The following PLXNC1 variants were observed in gnomAD, a reference collection of about 807,000 sequenced individuals.
PLXNC1 encodes the protein plexin C1, also known as plexin-C1.
Under a neutral mutation model 178.2 loss-of-function variants are expected in PLXNC1, and 75 were observed. The ratio of observed to expected loss-of-function variants is 0.42; its 90% CI spans 0.35 to 0.51. The LOEUF is 0.51. Among genes scored for constraint, PLXNC1 ranks in the 20% least tolerant of loss-of-function variants. The pLI is 0.02. For synonymous variants in PLXNC1, 790 were observed against 779.9 expected, an observed-to-expected ratio of 1.01 and a Z score of -0.22; for missense variants, 1,503 against 1,984.4, an observed-to-expected ratio of 0.76 and a Z score of 4.61.
At chr12:94,264,180 C>T (rs751051404) in intron 20 of PLXNC1, among the ~76,000 whole-genome samples, 8 of 152,144 alleles carry the variant, frequency 5.3e-5, no homozygotes, top group Non-Finnish European at 1.2e-4. Context: ...TGACCCAGGG[C>T]TAAGTGCCTT....
At chr12:94,242,708 C>T (rs1175481119) in intron 11 of PLXNC1, among the ~76,000 whole-genome samples, 1 of 152,156 alleles carries the variant, frequency 6.6e-6, no homozygotes, top group Non-Finnish European at 1.5e-5. Flanking sequence ...GGACCAATTC[C>T]ATTCTCCATA....
chr12:94,252,390 C>T (rs750782985), intron 15 of PLXNC1, among the ~76,000 whole-genome samples: 4 of 152,092 alleles, frequency 2.6e-5, no homozygotes, highest in Non-Finnish European at 5.9e-5. Context: ...ATGATCGTGC[C>T]ACTGCATGCC....
chr12:94,247,308 T>C (rs1565828759), intron 12 of PLXNC1, among the ~76,000 whole-genome samples: 1 of 152,172 alleles, frequency 6.6e-6, no homozygotes, highest in African/African-American at 2.4e-5. Flanking sequence ...GGGAGATGCA[T>C]TGTTCCTTTT....
intron 4 of PLXNC1, among the ~76,000 whole-genome samples, chr12:94,190,303 G>A (rs570540037): frequency 6.6e-6 from 1 of 152,306 alleles, no homozygotes; most frequent in African/African-American, 2.4e-5. Context: ...GTGCAGTGGT[G>A]CAATTACAGC....
chr12:94,220,832 C>T (rs1428609524), intron 6 of PLXNC1, among the ~76,000 whole-genome samples: 1 of 152,026 alleles, frequency 6.6e-6, no homozygotes, highest in Admixed American at 6.5e-5. Context: ...TTGAGCCAGA[C>T]AAAGACGATG....
intron 9 of PLXNC1, among the ~76,000 whole-genome samples, chr12:94,231,229 G>A (rs554967722): frequency 6.6e-6 from 1 of 152,236 alleles, no homozygotes; most frequent in South Asian, 2.1e-4. Context: ...CCACCTTTGA[G>A]GACGAGAAGC....
chr12:94,225,319 A>G (rs1223452220), intron 7 of PLXNC1, among the ~76,000 whole-genome samples: 3 of 152,172 alleles, frequency 2.0e-5, no homozygotes, highest in Non-Finnish European at 4.4e-5. Flanking sequence ...CCTGGGAACC[A>G]TGGTTTCTAT....
Position 94,243,955 on chromosome 12 carries a change from C to T in PLXNC1, c.2318C>T (p.Thr773Ile), listed in dbSNP as rs1226619685. The change falls in exon 12 of 31, where the codon ACC (threonine) becomes ATC (isoleucine). Residue 773 changes from threonine to isoleucine, a missense_variant. This residue lies in a region of PLXNC1 where 639 missense variants were observed against 979.7 expected (regional missense o/e 0.65). Transcript: ENST00000258526. ...TTWISGGQNI[T>I]MMGRNFDVID... ...CCTTGCAGTGGTGGTCAAAATATAA[C>T]CATGATGGGCAGAAATTTTGATGTA... 6.3e-7 allele frequency: 1 copy of T among 1,594,566 alleles called. No homozygotes were observed. The highest frequency in any genetic ancestry group is 1.3e-5 in the African/African-American group (1 of 74,644).
chr12:94,151,209 A>G (rs1192818607), intron 1 of PLXNC1, among the ~76,000 whole-genome samples: 3 of 152,144 alleles, frequency 2.0e-5, no homozygotes, highest in Admixed American at 6.5e-5. Context: ...GTGTTGATAC[A>G]GGGGCACGTT....
chr12:94,265,774 A>G (rs1297002439), intron 21 of PLXNC1, among the ~76,000 whole-genome samples: 3 of 152,218 alleles, frequency 2.0e-5, no homozygotes, highest in Admixed American at 6.5e-5. Context: ...GCTGTAAATC[A>G]CTACAGGAAG....
chr12:94,242,167 G>C (rs925954780), intron 11 of PLXNC1, among the ~76,000 whole-genome samples: 1 of 151,992 alleles, frequency 6.6e-6, no homozygotes, highest in Non-Finnish European at 1.5e-5. Flanking sequence ...CTTTCTCCCC[G>C]GTTCTGGAGG....
chr12:94,256,192 C>T (rs1044829792), intron 17 of PLXNC1: 2 of 152,206 alleles, frequency 1.3e-5, no homozygotes, highest in Admixed American at 1.3e-4. Context: ...GAAATCTCTC[C>T]AGGCCAAAGG....
chr12:94,208,910 G>C, intron 4 of PLXNC1, among the ~76,000 whole-genome samples: 1 of 152,240 alleles, frequency 6.6e-6, no homozygotes, highest in East Asian at 1.9e-4. Context: ...CCTGGCCACA[G>C]CTTAAGACTT....
At chr12:94,168,317 G>A (rs979162201) in intron 1 of PLXNC1, 6 of 152,316 alleles carry the variant, frequency 3.9e-5, no homozygotes, top group Admixed American at 1.3e-4. Flanking sequence ...GTTTCCTGTC[G>A]TTGAAGGCAG....
chr12:94,203,823 T>C (rs1302340501), intron 4 of PLXNC1, among the ~76,000 whole-genome samples: 1 of 152,234 alleles, frequency 6.6e-6, no homozygotes, highest in Non-Finnish European at 1.5e-5. Flanking sequence ...AAGCGTGTGT[T>C]GGGAATTTAA....
intron 17 of PLXNC1, among the ~76,000 whole-genome samples, chr12:94,258,588 T>C (rs1451736431): frequency 6.6e-6 from 1 of 152,248 alleles, no homozygotes; most frequent in African/African-American, 2.4e-5. Flanking sequence ...AAACCCTTTT[T>C]ATATTCCAGA....
Position 94,169,188 on chromosome 12 carries a change from C to A in PLXNC1, c.1098C>A (p.Ile366=), listed in dbSNP as rs141950146. ...ATCAACCTGAAAGAGTCCAACCAATCGCATCATCTACCTTGATCCATTCCG... is the reference window on the plus strand; with the variant it reads ...ATCAACCTGAAAGAGTCCAACCAATAGCATCATCTACCTTGATCCATTCCG... The part of the protein sequence containing the change: ...EGDQPERVQP[I]ASSTLIHSDL... The change falls in exon 2 of 31, where the codon ATC becomes ATA. Residue 366 remains isoleucine (I), a synonymous_variant. Coordinates refer to ENST00000258526, the MANE Select transcript of PLXNC1 (RefSeq NM_005761.3). The A allele has an allele frequency of 1.8e-4, 283 of 1,613,550 alleles. No individual in the cohort carries two copies. Among genetic ancestry groups the A allele is most frequent in the Non-Finnish European group, 2.3e-4 (273 of 1,179,628 alleles).
At chr12:94,252,921 A>G (rs115015106) in intron 15 of PLXNC1, among the ~76,000 whole-genome samples, 2,633 of 152,294 alleles carry the variant, frequency 0.017, 16 homozygotes, top group Middle Eastern at 0.027. Context: ...CCACCAACAA[A>G]TAGCACTTTG....
Position 94,305,213 on chromosome 12 carries a change from GGAA to G in PLXNC1, c.4640_4642del (p.Glu1547del). The G allele has an allele frequency of 6.2e-7, 1 of 1,610,416 alleles. No homozygotes were observed. Among genetic ancestry groups the G allele is most frequent in the Non-Finnish European group, 8.5e-7 (1 of 1,177,386 alleles). ...ATAAACTAGAAAGAGAACGAGGGCT[GGAA>G]GAAGCTCAGAAACAACTCTTGCATG... On this transcript the variant is annotated inframe_deletion, in exon 31 of 31. Coordinates refer to ENST00000258526, the MANE Select transcript of PLXNC1 (RefSeq NM_005761.3).
Sources: allele counts gnomAD v4.1 joint callset (sites outside exome capture counted in the v4.1 genomes callset), GRCh38; gene constraint gnomAD v4.1.1; regional missense constraint gnomAD v4.1.1; transcripts MANE v1.5; gene names NCBI Gene and HGNC (gene_info 2026-07-23, HGNC 2026-07-21).